ZFHX3: variants seen among roughly 807,000 people sequenced by gnomAD.
The protein encoded by ZFHX3 is zinc finger homeobox protein 3.
A neutral mutation model predicts 279.1 loss-of-function variants in ZFHX3; 42 were observed. The observed-to-expected ratio is 0.15, with a 90% CI of 0.12 to 0.19. The LOEUF is 0.19. ZFHX3 is among the 10% of genes least tolerant of loss of function. The probability of loss-of-function intolerance (pLI) is 1.00; values close to 1 mark genes in which losing one functional copy is unlikely to be tolerated. For missense variants in ZFHX3, 4,981 were observed against 4,754.0 expected, an observed-to-expected ratio of 1.05 and a Z score of -1.40; for synonymous variants, 2,293 against 1,957.8, an observed-to-expected ratio of 1.17 and a Z score of -4.52.
intron 2 of ZFHX3, among the ~76,000 whole-genome samples, chr16:73,522,490 A>G (rs1456915794): frequency 1.3e-5 from 2 of 152,164 alleles, no homozygotes; most frequent in Admixed American, 6.5e-5. Flanking sequence ...CTGGTACAGA[A>G]CTGGGATTCG....
At chr16:73,274,515 T>G (rs554828250) in intron 4 of ZFHX3, among the ~76,000 whole-genome samples, 2 of 152,232 alleles carry the variant, frequency 1.3e-5, no homozygotes, top group Non-Finnish European at 2.9e-5. Flanking sequence ...CATTTGGAAT[T>G]TATTTGGGTT....
At chr16:73,382,562 G>C (rs139521084) in intron 3 of ZFHX3, among the ~76,000 whole-genome samples, 54 of 152,256 alleles carry the variant, frequency 3.5e-4, no homozygotes, top group African/African-American at 1.0e-3. Flanking sequence ...ATGGATTGTG[G>C]GGGGGCAGGA....
chr16:73,033,208 C>T (rs953589347), intron 1 of ZFHX3, among the ~76,000 whole-genome samples: 4 of 152,118 alleles, frequency 2.6e-5, no homozygotes, highest in African/African-American at 9.7e-5. Flanking sequence ...CCTGCCAGCA[C>T]CCCCACATAA....
At chr16:72,990,231 T>C (rs1376210531) in intron 1 of ZFHX3, among the ~76,000 whole-genome samples, 1 of 152,146 alleles carries the variant, frequency 6.6e-6, no homozygotes, top group Non-Finnish European at 1.5e-5. Flanking sequence ...CTTGGCACTG[T>C]CACTTGGCAA....
intron 2 of ZFHX3, among the ~76,000 whole-genome samples, chr16:73,618,490 C>T (rs1406764009): frequency 6.6e-6 from 1 of 152,154 alleles, no homozygotes; most frequent in Non-Finnish European, 1.5e-5. Context: ...ATTTCAGTAA[C>T]TTATCCAAGT....
chr16:72,871,417 C>A (rs1305092464), intron 4 of ZFHX3, among the ~76,000 whole-genome samples: 2 of 151,520 alleles, frequency 1.3e-5, no homozygotes, highest in African/African-American at 4.9e-5. Context: ...TCTTGGCTCA[C>A]TGCAACCTCT....
intron 1 of ZFHX3, among the ~76,000 whole-genome samples, chr16:72,976,747 A>T (rs1056321555): frequency 6.6e-6 from 1 of 152,208 alleles, no homozygotes; most frequent in African/African-American, 2.4e-5. Context: ...AGGTGTGGTC[A>T]CAGTGAACTG....
At chr16:73,308,450 C>T (rs927544401) in intron 4 of ZFHX3, among the ~76,000 whole-genome samples, 3 of 151,602 alleles carry the variant, frequency 2.0e-5, no homozygotes, top group Non-Finnish European at 4.4e-5. Context: ...ACCACCATGC[C>T]TGGCTAATTT....
intron 1 of ZFHX3, among the ~76,000 whole-genome samples, chr16:73,750,905 C>T (rs2053756693): frequency 6.6e-6 from 1 of 152,142 alleles, no homozygotes; most frequent in South Asian, 2.1e-4. Flanking sequence ...CATAATTTGA[C>T]TAAATAACAA....
At chr16:73,434,600 T>C (rs1597334298) in intron 3 of ZFHX3, among the ~76,000 whole-genome samples, 1 of 84,456 alleles carries the variant, frequency 1.2e-5, no homozygotes, top group East Asian at 4.0e-4. Context: ...TTGACTCATC[T>C]ATGGATGGTG....
At chr16:72,953,558 T>C (rs564442375) in intron 2 of ZFHX3, among the ~76,000 whole-genome samples, 26 of 152,312 alleles carry the variant, frequency 1.7e-4, no homozygotes, top group African/African-American at 5.5e-4. Flanking sequence ...TGAGAAGTCC[T>C]TGGAATAAGC....
At chr16:73,891,327 G>T (rs1356123245) in intron 1 of ZFHX3, among the ~76,000 whole-genome samples, 1 of 152,058 alleles carries the variant, frequency 6.6e-6, no homozygotes, top group Non-Finnish European at 1.5e-5. Flanking sequence ...CAGGGAGGTG[G>T]GGAGAAAGAT....
intron 2 of ZFHX3, among the ~76,000 whole-genome samples, chr16:73,580,531 T>C (rs542562357): frequency 6.6e-6 from 1 of 151,236 alleles, no homozygotes; most frequent in Admixed American, 6.6e-5. Flanking sequence ...ACAGAGAAAT[T>C]TCCTTTGCTA....
chr16:73,127,593 C>A, intron 7 of ZFHX3: 2 of 1,301,088 alleles, frequency 1.5e-6, no homozygotes, highest in Non-Finnish European at 2.0e-6. Context: ...CCACTGACCA[C>A]GGAGCACTGC....
intron 1 of ZFHX3, among the ~76,000 whole-genome samples, chr16:73,740,962 A>G (rs1414455082): frequency 1.3e-5 from 2 of 151,204 alleles, no homozygotes; most frequent in Non-Finnish European, 2.9e-5. Flanking sequence ...GACTTTCCAC[A>G]TTTTTTAAGT....
chr16:73,251,689 ACACACACACATG>A (rs1023926244), intron 5 of ZFHX3, among the ~76,000 whole-genome samples: 2 of 151,430 alleles, frequency 1.3e-5, no homozygotes, highest in Non-Finnish European at 2.9e-5. Context: ...CATACACACC[ACACACACACATG>A]CACACACACA....
chr16:73,265,054 T>A (rs1296796643), intron 4 of ZFHX3, among the ~76,000 whole-genome samples: 1 of 147,464 alleles, frequency 6.8e-6, no homozygotes, highest in Non-Finnish European at 1.5e-5. Flanking sequence ...CGCATATATA[T>A]AATAGCACCT....
intron 3 of ZFHX3, among the ~76,000 whole-genome samples, chr16:72,935,004 T>C (rs1960042891): frequency 2.0e-5 from 3 of 152,226 alleles, no homozygotes; most frequent in Admixed American, 6.5e-5. Flanking sequence ...AGCATCAGAA[T>C]GTAGCACCTG....
chr16:73,453,948 T>C (rs1029827155), intron 3 of ZFHX3, among the ~76,000 whole-genome samples: 4 of 152,094 alleles, frequency 2.6e-5, no homozygotes, highest in African/African-American at 9.7e-5. Flanking sequence ...GTGGGAATTG[T>C]GGGAGCTGTA....
Sources: allele counts gnomAD v4.1 joint callset (sites outside exome capture counted in the v4.1 genomes callset), GRCh38; gene constraint gnomAD v4.1.1; transcripts MANE v1.5; gene names NCBI Gene and HGNC (gene_info 2026-07-23, HGNC 2026-07-21).